Variants in ZNF487 observed in about 807,000 individuals in gnomAD.
ZNF487 encodes zinc finger protein 487, also known as KRAB domain only 1.
In ZNF487, 4 loss-of-function variants were observed where a neutral mutation model predicts 3.0. The ratio of observed to expected loss-of-function variants is 1.35; its 90% confidence interval spans 0.66 to 3.08. ZNF487 has a LOEUF of 3.08. ZNF487 is among the 30% of genes most tolerant of loss of function. ZNF487 has a pLI of 0.01. For synonymous variants in ZNF487, 55 were observed against 34.6 expected (o/e 1.59, Z -2.06); for missense variants, 146 against 98.7 (o/e 1.48, Z -2.03).
intron 1 of ZNF487, among the ~76,000 whole-genome samples, chr10:43,448,995 G>GAA (rs928786631): frequency 1.2e-4 from 7 of 56,306 alleles, no homozygotes; most frequent in Admixed American, 2.2e-4. Flanking sequence ...ACCTGTCTCC[G>GAA]AAAAAAAAAA....
At chr10:43,512,782 G>A in the ZNF487 span, among the ~76,000 whole-genome samples, 4 of 152,124 alleles carry the variant, frequency 2.6e-5, no homozygotes, top group South Asian at 2.1e-4. Flanking sequence ...ACAGCCTTTC[G>A]GGTCACTTGA....
At chr10:43,492,522 G>T in the ZNF487 span, among the ~76,000 whole-genome samples, 1 of 151,358 alleles carries the variant, frequency 6.6e-6, no homozygotes, top group Non-Finnish European at 1.5e-5. Context: ...CATGATCTCG[G>T]CTCACTGCAA....
chr10:43,508,497 C>T, the ZNF487 span, among the ~76,000 whole-genome samples: 1 of 152,098 alleles, frequency 6.6e-6, no homozygotes, highest in Non-Finnish European at 1.5e-5. Flanking sequence ...GAAAAGGGAC[C>T]TTGTGAAAAC....
chr10:43,457,544 G>A (rs1840255081), intron 1 of ZNF487, among the ~76,000 whole-genome samples: 2 of 129,804 alleles, frequency 1.5e-5, no homozygotes, highest in South Asian at 2.5e-4. Flanking sequence ...GACAAAGCAA[G>A]ACTCTGTCTT....
chr10:43,489,882 TA>T, the ZNF487 span, among the ~76,000 whole-genome samples: 1 of 151,594 alleles, frequency 6.6e-6, no homozygotes, highest in Non-Finnish European at 1.5e-5. Flanking sequence ...AGAAGAAAAA[TA>T]GAAACAAATA....
At chr10:43,465,647 G>A (rs1378089827) in intron 1 of ZNF487, among the ~76,000 whole-genome samples, 9 of 150,246 alleles carry the variant, frequency 6.0e-5, no homozygotes, top group Middle Eastern at 3.5e-3. Flanking sequence ...GGGAAGAGGC[G>A]CTCCTCACTT....
chr10:43,513,566 G>T, the ZNF487 span, among the ~76,000 whole-genome samples: 2 of 152,202 alleles, frequency 1.3e-5, no homozygotes. Flanking sequence ...AGTCTCTCCA[G>T]GGATGTGATA....
the ZNF487 span, among the ~76,000 whole-genome samples, chr10:43,494,784 A>AAAAAAAAAAAAAC: frequency 6.8e-6 from 1 of 147,188 alleles, no homozygotes; most frequent in African/African-American, 2.5e-5. Context: ...AAAAAAAAAA[A>AAAAAAAAAAAAAC]AAAAAAGCTG....
chr10:43,520,860 G>A, the ZNF487 span, among the ~76,000 whole-genome samples: 9 of 152,182 alleles, frequency 5.9e-5, no homozygotes, highest in African/African-American at 9.7e-5. Context: ...GGACAGCAGA[G>A]GATGGTGACT....
At chr10:43,452,092 T>G (rs1428681914) in intron 1 of ZNF487, 1 of 152,162 alleles carries the variant, frequency 6.6e-6, no homozygotes, top group African/African-American at 2.4e-5. Context: ...TGCAATTTCA[T>G]CTTTGTTGGT....
At chr10:43,478,145 T>C (rs1841171652) in intron 3 of ZNF487, among the ~76,000 whole-genome samples, 1 of 152,034 alleles carries the variant, frequency 6.6e-6, no homozygotes, top group Non-Finnish European at 1.5e-5. Context: ...ATAGGCTCAG[T>C]GCAGTGGCTC....
intron 1 of ZNF487, among the ~76,000 whole-genome samples, chr10:43,468,988 C>CAAAAAAAAAAAAA (rs59076073): frequency 2.1e-4 from 13 of 60,924 alleles, no homozygotes; most frequent in Admixed American, 5.8e-4. Flanking sequence ...GACTCTATCT[C>CAAAAAAAAAAAAA]AAAAAAAAAA....
At chr10:43,510,771 C>G in the ZNF487 span, among the ~76,000 whole-genome samples, 2 of 152,220 alleles carry the variant, frequency 1.3e-5, no homozygotes, top group Admixed American at 1.3e-4. Flanking sequence ...TGGTCTCAAA[C>G]TCCTGACCTC....
At chr10:43,497,983 G>GATAT in the ZNF487 span, among the ~76,000 whole-genome samples, 6,459 of 130,150 alleles carry the variant, frequency 0.05, 240 homozygotes, top group South Asian at 0.11. Context: ...AAAGAAAAAA[G>GATAT]ATATATATAT....
chr10:43,520,241 TC>T, the ZNF487 span, among the ~76,000 whole-genome samples: 1 of 152,196 alleles, frequency 6.6e-6, no homozygotes, highest in Non-Finnish European at 1.5e-5. Flanking sequence ...GATCCCTCTT[TC>T]ACTCTTCCTT....
At chr10:43,436,936 G>T (rs542158384), upstream of ZNF487, 1 of 466,732 alleles carries the variant, frequency 2.1e-6, no homozygotes, top group South Asian at 1.6e-5. Context: ...GAAGGCTGGG[G>T]TAAGAGTCCG....
In ZNF487 at chr10:43,481,443, G is replaced by A. The variant is rs1308001948; in HGVS notation, c.145G>A (p.Asp49Asn). The A allele has an allele frequency of 2.8e-6, 2 of 714,608 alleles. No homozygotes were observed. The highest frequency in any genetic ancestry group is 2.7e-5 in the East Asian group (1 of 37,278). The allele number at this position is 714,608 out of a possible 1,614,324, so 44.3% of individuals were successfully genotyped here. Residue 49 changes from aspartate (D) to asparagine (N), a missense_variant, in exon 4 of 4, where the codon GAT (aspartate) becomes AAT (asparagine). By Grantham distance (23) the Asp-to-Asn change is conservative. Coordinates refer to ENST00000437590, the MANE Select transcript of ZNF487 (RefSeq NM_001355444.3). The part of the protein sequence containing the change: ...SQSHLDCCID[D>N]DLMEKRQENQ... Reference sequence around the variant, plus strand: ...ATTATTTCTAGACTGCTGCATAGATGATGACCTGATGGAGAAGAGACAGGA... The same window carrying A: ...ATTATTTCTAGACTGCTGCATAGATAATGACCTGATGGAGAAGAGACAGGA...
chr10:43,484,134 G>T (rs1000574278), downstream of ZNF487, among the ~76,000 whole-genome samples: 5 of 152,130 alleles, frequency 3.3e-5, no homozygotes, highest in African/African-American at 4.8e-5. Context: ...CCCCCAAAGT[G>T]CTGGGATTAC....
chr10:43,460,798 T>C (rs1203188388), intron 1 of ZNF487, among the ~76,000 whole-genome samples: 1 of 151,926 alleles, frequency 6.6e-6, no homozygotes, highest in African/African-American at 2.4e-5. Context: ...GTTCAAGCGA[T>C]TCTTGTGCCT....
Sources: allele counts gnomAD v4.1 joint callset (sites outside exome capture counted in the v4.1 genomes callset), GRCh38; gene constraint gnomAD v4.1.1; transcripts MANE v1.5; gene names NCBI Gene and HGNC (gene_info 2026-07-23, HGNC 2026-07-21).